SPECC1: variants seen among roughly 807,000 people sequenced by gnomAD.
SPECC1 encodes cytospin-B.
SPECC1 carries 62 observed loss-of-function variants against 104.1 expected under a neutral mutation model. That is an observed-to-expected ratio of 0.60 (90% CI 0.49 to 0.74). The LOEUF is 0.74. Among genes scored for constraint, SPECC1 ranks in the 30% least tolerant of loss-of-function variants. SPECC1 has a pLI of 0.00. For missense variants in SPECC1, 1,306 were observed against 1,310.5 expected, an observed-to-expected ratio of 1.00 and a Z score of 0.05; for synonymous variants, 513 against 501.6, an observed-to-expected ratio of 1.02 and a Z score of -0.30.
chr17:20,020,825 G>GGT (rs2044346022), intron 1 of SPECC1, among the ~76,000 whole-genome samples: 1 of 152,098 alleles, frequency 6.6e-6, no homozygotes, highest in South Asian at 2.1e-4. Context: ...ATTCTAATGA[G>GGT]GTTCATATAA....
chr17:20,014,999 C>T (rs1267958400), intron 1 of SPECC1, among the ~76,000 whole-genome samples: 5 of 152,222 alleles, frequency 3.3e-5, no homozygotes, highest in African/African-American at 1.2e-4. Flanking sequence ...AGGTGATCCA[C>T]CTGCCTCGGC....
chr17:20,189,389 C>CG (rs1464614214), intron 3 of SPECC1, among the ~76,000 whole-genome samples: 6 of 152,208 alleles, frequency 3.9e-5, no homozygotes, highest in Non-Finnish European at 8.8e-5. Flanking sequence ...CCAGCCACTT[C>CG]AGTTTCAATG....
intron 3 of SPECC1, among the ~76,000 whole-genome samples, chr17:20,136,356 C>T (rs1236505548): frequency 2.7e-5 from 4 of 149,822 alleles, no homozygotes; most frequent in Non-Finnish European, 5.9e-5. Flanking sequence ...ACACGGGAGG[C>T]GGAGGTTGCA....
At position 20,315,599 on chromosome 17, in the gene SPECC1, C is replaced by T. The variant is rs2042030565; in HGVS notation, c.*1534C>T. ...AGTCACCGAGAATGACAGTGACTGCCATTACTATTCAAAGTACATCTCTGA... is the reference window on the plus strand; with the variant it reads ...AGTCACCGAGAATGACAGTGACTGCTATTACTATTCAAAGTACATCTCTGA... On this transcript the variant is annotated 3_prime_UTR_variant, in exon 15 of 15. Transcript: ENST00000395527. 8.6e-6 allele frequency: 2 copies of T among 232,676 alleles called. No individual in the cohort carries two copies. Among genetic ancestry groups the T allele is most frequent in the African/African-American group, 2.2e-5 (1 of 45,258 alleles). The allele number at this position is 232,676 out of a possible 1,614,324, so 14.4% of individuals were successfully genotyped here. A position where few individuals can be genotyped will look rare whatever the true frequency, so the allele number is the denominator to read the frequency against.
intron 3 of SPECC1, among the ~76,000 whole-genome samples, chr17:20,127,850 C>G (rs1313232348): frequency 6.6e-6 from 1 of 152,038 alleles, no homozygotes; most frequent in Non-Finnish European, 1.5e-5. Flanking sequence ...CCTTGTGTGG[C>G]CTTCTGTGCA....
intron 3 of SPECC1, among the ~76,000 whole-genome samples, chr17:20,125,348 A>G (rs1187604607): frequency 6.6e-6 from 1 of 152,200 alleles, no homozygotes; most frequent in Non-Finnish European, 1.5e-5. Context: ...GGTAAGTCAC[A>G]CCATCATAAG....
chr17:20,267,756 G>A (rs1288277823), intron 12 of SPECC1, among the ~76,000 whole-genome samples: 1 of 152,112 alleles, frequency 6.6e-6, no homozygotes, highest in Non-Finnish European at 1.5e-5. Context: ...TTGCCATGTG[G>A]GTGCTCTGGA....
chr17:20,314,222 G>GA lies in SPECC1; in HGVS notation c.*158dup, dbSNP rs2042003730. 4 of 651,474 alleles carry GA rather than the reference G, an allele frequency of 6.1e-6. No individual in the cohort carries two copies. The South Asian group carries it at 7.0e-5, about 11-fold the overall frequency. 40.4% of individuals were successfully genotyped at this position (651,474 alleles called of 1,614,324 possible). ...TGGACCAACACCCAAATAAGAAACA[G>GA]AGTGGGTCCCACGATGTACCTGTCT... On this transcript the variant is annotated 3_prime_UTR_variant, in exon 15 of 15. Transcript: ENST00000395527.
At chr17:20,128,719 C>T (rs183408394) in intron 3 of SPECC1, among the ~76,000 whole-genome samples, 11 of 151,628 alleles carry the variant, frequency 7.3e-5, no homozygotes, top group African/African-American at 1.2e-4. Context: ...CCCAGCTTCC[C>T]CCAAGTTCTA....
At chr17:20,099,515 A>G (rs1182583457) in intron 2 of SPECC1, among the ~76,000 whole-genome samples, 1 of 33,422 alleles carries the variant, frequency 3.0e-5, no homozygotes, top group Non-Finnish European at 7.9e-5. Context: ...TTTACCCAAA[A>G]AAAAAAAAAA....
chr17:20,312,940 A>C (rs763389674), intron 14 of SPECC1, among the ~76,000 whole-genome samples: 9 of 152,190 alleles, frequency 5.9e-5, no homozygotes, highest in Admixed American at 1.3e-4. Flanking sequence ...TGATGTGCTA[A>C]GTTCAGCCTT....
intron 9 of SPECC1, among the ~76,000 whole-genome samples, chr17:20,251,126 G>T (rs929819357): frequency 6.7e-5 from 10 of 149,872 alleles, no homozygotes; most frequent in African/African-American, 2.5e-4. Flanking sequence ...TACTTGGGAG[G>T]CTGAGGCACA....
At chr17:20,107,168 A>AAAG (rs2048259693) in intron 2 of SPECC1, among the ~76,000 whole-genome samples, 1 of 142,730 alleles carries the variant, frequency 7.0e-6, no homozygotes, top group African/African-American at 2.5e-5. Context: ...AAAAAAAAAA[A>AAAG]AGAAAAGAAA....
chr17:20,038,787 T>G (rs2045203960), intron 1 of SPECC1, among the ~76,000 whole-genome samples: 1 of 152,248 alleles, frequency 6.6e-6, no homozygotes, highest in African/African-American at 2.4e-5. Context: ...TGAATATCTT[T>G]GACCCACGGA....
chr17:20,183,742 C>T (rs2035068611), intron 3 of SPECC1, among the ~76,000 whole-genome samples: 1 of 152,000 alleles, frequency 6.6e-6, no homozygotes, highest in South Asian at 2.1e-4. Context: ...ACAAGAAAAA[C>T]ATGTCTATAT....
At chr17:20,284,518 G>A (rs1244285470) in intron 12 of SPECC1, among the ~76,000 whole-genome samples, 1 of 152,252 alleles carries the variant, frequency 6.6e-6, no homozygotes, top group East Asian at 1.9e-4. Context: ...CCCAGGCAAG[G>A]ACCGAACACT....
intron 3 of SPECC1, among the ~76,000 whole-genome samples, chr17:20,177,506 A>G (rs551769849): frequency 4.8e-4 from 73 of 152,266 alleles, no homozygotes; most frequent in South Asian, 8.3e-4. Flanking sequence ...TTATTGAGCC[A>G]TTTGTGTGTC....
rs752530268 is a variant in SPECC1 at position 20,232,374 on chromosome 17, G to A, written c.2320G>A (p.Gly774Ser). 111 of 1,612,986 alleles carry A rather than the reference G, an allele frequency of 6.9e-5. No homozygotes were observed. The highest frequency in any genetic ancestry group is 8.1e-5 in the Non-Finnish European group (96 of 1,179,450). The change falls in exon 7 of 15, where the codon GGC becomes AGC. Residue 774 changes from glycine to serine, a missense_variant. Gly to Ser is a moderately conservative substitution (Grantham distance 56, BLOSUM62 0). Around this residue, in one of 2 missense-constraint regions of SPECC1, gnomAD observed 1,177 missense variants for 1,139.9 expected, o/e 1.03. Transcript: ENST00000395527. ...QKELGDVQGH[G>S]RVVTSRAAPP... ...GGAGCTGGGGGATGTGCAGGGCCACGGCAGGGTGGTCACCAGCAGAGCCGC... is the reference window on the plus strand; with the variant it reads ...GGAGCTGGGGGATGTGCAGGGCCACAGCAGGGTGGTCACCAGCAGAGCCGC...
intron 3 of SPECC1, among the ~76,000 whole-genome samples, chr17:20,186,375 C>T (rs1010905703): frequency 1.3e-5 from 2 of 152,074 alleles, no homozygotes; most frequent in African/African-American, 4.8e-5. Context: ...AAAATGCTAA[C>T]GAAGTAAGCC....
Sources: allele counts gnomAD v4.1 joint callset (sites outside exome capture counted in the v4.1 genomes callset), GRCh38; gene constraint gnomAD v4.1.1; regional missense constraint gnomAD v4.1.1; transcripts MANE v1.5; gene names NCBI Gene and HGNC (gene_info 2026-07-23, HGNC 2026-07-21).